Variants in FUS observed in about 807,000 individuals in gnomAD.
FUS encodes RNA-binding protein FUS.
In FUS, 5 loss-of-function variants were observed where a neutral mutation model predicts 82.7. The ratio of observed to expected loss-of-function variants is 0.06; its 90% CI spans 0.03 to 0.13. The LOEUF (loss-of-function observed/expected upper bound fraction) is 0.13, where lower values mean the gene tolerates loss of function less well. Ranked by LOEUF, FUS falls within the 10% of genes least tolerant of loss-of-function variation. The pLI is 1.00. For synonymous variants in FUS, 281 were observed against 247.4 expected (o/e 1.14, Z -1.27); for missense variants, 512 against 707.8 (o/e 0.72, Z 3.14).
rs73530283 is a variant in FUS at position 31,182,673 on chromosome 16, T to C, written c.190+9T>C. The C allele has an allele frequency of 0.012, 20,060 of 1,614,078 alleles. 1,475 individuals are homozygous for C. In the African/African-American group the frequency reaches 0.19, roughly 15 times the overall value. On this transcript the variant is annotated intron_variant, in intron 3 of 14. Coordinates refer to ENST00000254108, the MANE Select transcript of FUS (RefSeq NM_004960.4). Reference sequence around the variant, plus strand: ...TGGCCAGAGCCAGAACAGTGAGTCTTTCTCAGCGGGTCACCTCTTCCTACT... The same window carrying C: ...TGGCCAGAGCCAGAACAGTGAGTCTCTCTCAGCGGGTCACCTCTTCCTACT...
rs562167311 is a variant in FUS at position 31,180,178 on chromosome 16, C to T, written c.-37C>T. 8 of 1,607,776 alleles carry T rather than the reference C, an allele frequency of 5.0e-6. No homozygotes were observed. In the South Asian group the frequency reaches 5.6e-5, roughly 11 times the overall value. ...GCGTCGGTACTCAGCGGTGTTGGAA[C>T]TTCGTTGCTTGCTTGCCTGTGCGCG... On this transcript the variant is annotated 5_prime_UTR_variant, in exon 1 of 15. Coordinates refer to ENST00000254108, the MANE Select transcript of FUS (RefSeq NM_004960.4).
chr16:31,180,408 C>T (rs1262711077), intron 1 of FUS, among the ~76,000 whole-genome samples, 181 bp downstream of exon 1: 2 of 152,130 alleles, frequency 1.3e-5, no homozygotes, highest in Non-Finnish European at 2.9e-5. Context: ...TTTCGCTCCT[C>T]TGGCCCTCGC....
At chr16:31,193,819 C>G (rs763682829), downstream of FUS, 4 of 435,620 alleles carry the variant, frequency 9.2e-6, no homozygotes, top group South Asian at 5.7e-5. Context: ...TTTTTAATTA[C>G]TTTTTTTTTT....
rs754613619 is a variant in FUS at position 31,182,635 on chromosome 16, G to A, written c.161G>A (p.Ser54Asn). The change falls in exon 3 of 15, where the codon AGC (serine) becomes AAC (asparagine). Residue 54 changes from serine to asparagine, a missense_variant. Physicochemically the swap from Ser to Asn is conservative, Grantham distance 46 (BLOSUM62 1). Coordinates refer to ENST00000254108, the MANE Select transcript of FUS (RefSeq NM_004960.4). Reference sequence around the variant, plus strand: ...GACACTTCAGGCTATGGCCAGAGCAGCTATTCTTCTTATGGCCAGAGCCAG... The same window carrying A: ...GACACTTCAGGCTATGGCCAGAGCAACTATTCTTCTTATGGCCAGAGCCAG... ...STDTSGYGQS[S>N]YSSYGQSQNT... is the part of the protein sequence containing the mutation. The A allele has an allele frequency of 2.5e-6, 4 of 1,614,174 alleles. No homozygotes were observed. Among genetic ancestry groups the A allele is most frequent in the East Asian group, 2.2e-5 (1 of 44,884 alleles).
At chr16:31,189,302 CT>C in intron 9 of FUS, 76 bp downstream of exon 9, 1 of 1,109,476 alleles carries the variant, frequency 9.0e-7, no homozygotes, top group Non-Finnish European at 1.4e-6. Context: ...AAAAGCAAGT[CT>C]TTAATGGTTG....
downstream of FUS, chr16:31,194,115 AGCT>A: frequency 1.9e-6 from 1 of 533,208 alleles, no homozygotes; most frequent in South Asian, 1.5e-5. Flanking sequence ...TAGCCCTTTC[AGCT>A]TTTTTCCCCA....
Position 31,189,190 on chromosome 16 carries a change from T to C in FUS, c.900T>C (p.Ser300=), listed in dbSNP as rs766692377. The C allele has an allele frequency of 5.0e-6, 8 of 1,613,872 alleles. 1 individual carries two copies. The South Asian group carries it at 8.8e-5, about 18-fold the overall frequency. ...QGLGENVTIE[S]VADYFKQIGI... ...TGGGTGAGAATGTTACAATTGAGTC[T>C]GTGGCTGATTACTTCAAGCAGATTG... Residue 300 remains serine, a synonymous_variant, in exon 9 of 15, where the codon TCT becomes TCC. Coordinates refer to ENST00000254108, the MANE Select transcript of FUS (RefSeq NM_004960.4).
chr16:31,187,064 G>A (rs1256084964), intron 7 of FUS: 1 of 600,318 alleles, frequency 1.7e-6, no homozygotes, highest in Non-Finnish European at 3.0e-6. Flanking sequence ...GTTTGCCCCA[G>A]GTTAATAAGA....
intron 9 of FUS, 151 bp from the exon 10 acceptor site, chr16:31,189,514 T>C: frequency 9.6e-7 from 1 of 1,037,982 alleles, no homozygotes; most frequent in Non-Finnish European, 1.4e-6. Flanking sequence ...CAGTTTTCTT[T>C]AATGGAGGTT....
intron 3 of FUS, chr16:31,183,420 T>G (rs1418638048): frequency 5.3e-6 from 1 of 189,788 alleles, no homozygotes; most frequent in East Asian, 1.2e-4. Flanking sequence ...AGAACCAGTT[T>G]TAGGCCAATT....
At position 31,191,525 on chromosome 16, in the gene FUS, C is replaced by T. The variant is rs761547006; in HGVS notation, c.*87C>T. 1.4e-6 allele frequency: 2 copies of T among 1,427,286 alleles called. No individual in the cohort carries two copies. Among genetic ancestry groups the T allele is most frequent in the African/African-American group, 1.4e-5 (1 of 71,176 alleles). 88.4% of individuals were successfully genotyped at this position (1,427,286 alleles called of 1,614,324 possible). On this transcript the variant is annotated 3_prime_UTR_variant, in exon 15 of 15. Coordinates refer to ENST00000254108, the MANE Select transcript of FUS (RefSeq NM_004960.4). The stretch of plus-strand genomic sequence containing the variant: ...ATTTTGTAACCTTCCAATTCCTGAT[C>T]ACCCAAGGGTTTTTTTGTGTCGGAC...
At chr16:31,194,426 C>A (rs73530301), downstream of FUS, 5 of 506,764 alleles carry the variant, frequency 9.9e-6, no homozygotes, top group African/African-American at 9.6e-5. Flanking sequence ...GTAGCTGGGA[C>A]GGGACTACAG....
At position 31,180,177 on chromosome 16, in the gene FUS, A is replaced by T; in HGVS notation, c.-38A>T. On this transcript the variant is annotated 5_prime_UTR_variant, in exon 1 of 15. Coordinates refer to ENST00000254108, the MANE Select transcript of FUS (RefSeq NM_004960.4). ...GGCGTCGGTACTCAGCGGTGTTGGA[A>T]CTTCGTTGCTTGCTTGCCTGTGCGC... 6.2e-7 allele frequency: 1 copy of T among 1,607,508 alleles called. No individual in the cohort carries two copies.
chr16:31,186,016 G>C, intron 6 of FUS: 1 of 237,702 alleles, frequency 4.2e-6, no homozygotes. Flanking sequence ...TTTAAACCGA[G>C]TTTGGAAATG....
chr16:31,192,435 T>G (rs2079374559), downstream of FUS: 2 of 522,882 alleles, frequency 3.8e-6, no homozygotes, highest in African/African-American at 1.9e-5. Context: ...AGCGTAACAT[T>G]AACCCAAGAG....
At chr16:31,191,811 G>A, downstream of FUS, 1 of 568,382 alleles carries the variant, frequency 1.8e-6, no homozygotes, top group Non-Finnish European at 3.3e-6. Flanking sequence ...GAAGAACATG[G>A]GATGTCATGA....
At chr16:31,180,456 CT>C (rs1263963900) in intron 1 of FUS, among the ~76,000 whole-genome samples, 1 of 151,056 alleles carries the variant, frequency 6.6e-6, no homozygotes, top group African/African-American at 2.4e-5. Context: ...AGTCCGTTTG[CT>C]TGGGGTGGGC....
chr16:31,183,805 A>G, intron 3 of FUS, 53 bp from the exon 4 acceptor site: 2 of 1,610,372 alleles, frequency 1.2e-6, no homozygotes, highest in Middle Eastern at 1.7e-4. Context: ...CCCATTCCTT[A>G]CATTTTCTCT....
At chr16:31,189,601 A>T in intron 9 of FUS, 64 bp from the exon 10 acceptor site, 1 of 1,608,332 alleles carries the variant, frequency 6.2e-7, no homozygotes, top group Non-Finnish European at 8.5e-7. Context: ...GTTCTAGAGG[A>T]AGAAGATGGA....
Sources: gnomAD v4.1 joint callset for allele counts (sites outside exome capture counted in the v4.1 genomes callset) on GRCh38, gnomAD v4.1.1 for gene constraint, MANE v1.5 for transcripts, NCBI Gene and HGNC (gene_info 2026-07-23, HGNC 2026-07-21) for gene names.